Variants in FAM167A observed in about 807,000 individuals in gnomAD.
FAM167A encodes family with sequence similarity 167 member A.
Under a neutral mutation model 14.9 loss-of-function variants are expected in FAM167A, and 23 were observed. The observed-to-expected ratio is 1.55, with a 90% CI of 1.11 to 2.19. The LOEUF (loss-of-function observed/expected upper bound fraction) is 2.19. Among genes scored for constraint, FAM167A ranks in the 30% most tolerant of loss-of-function variants. FAM167A has a pLI of 0.00. For missense variants in FAM167A, 401 were observed against 281.5 expected (o/e 1.42, Z -3.04); for synonymous variants, 174 against 117.7 (o/e 1.48, Z -3.10).
At position 11,444,784 on chromosome 8, in the gene FAM167A, C is replaced by T. The variant is rs966729455; in HGVS notation, c.-373G>A. 4.9e-6 allele frequency: 5 copies of T among 1,010,216 alleles called. No individual in the cohort carries two copies. The South Asian group carries it at 1.8e-4, about 37-fold the overall frequency. 62.6% of individuals were successfully genotyped at this position (1,010,216 alleles called of 1,614,324 possible). On this transcript the variant is annotated 5_prime_UTR_variant, in exon 2 of 3. Transcript: ENST00000284486. ...AAGAAGGCCCAGAGCTCTCTCTTCT[C>T]GGGAAGGGCAGGTGGCTGGAGACCC...
intron 1 of FAM167A, among the ~76,000 whole-genome samples, chr8:11,450,547 T>A (rs1305699658): frequency 6.6e-6 from 1 of 152,106 alleles, no homozygotes. Flanking sequence ...CCACTGGGCT[T>A]ACTGCCCCTC....
In FAM167A at chr8:11,432,823, T is replaced by A. The variant is rs537758016; in HGVS notation, c.382-8187A>T. On this transcript the variant is annotated intron_variant, in intron 2 of 2. Coordinates refer to ENST00000284486, the MANE Select transcript of FAM167A (RefSeq NM_053279.3). ...GACTTAGAACCAACCCAAATGTCAA[T>A]CAATGATAGACTGGATTAAGAAAAT... Among the ~76,000 whole-genome samples, 8 of 152,242 alleles carry A rather than the reference T, an allele frequency of 5.3e-5. No homozygotes were observed. In the South Asian group the frequency reaches 1.0e-3, roughly 20 times the overall value.
At chr8:11,461,933 C>A (rs1807555682) in intron 1 of FAM167A, among the ~76,000 whole-genome samples, 1 of 152,210 alleles carries the variant, frequency 6.6e-6, no homozygotes, top group African/African-American at 2.4e-5. Context: ...CTCTCAGGGG[C>A]TAGAAGGGTC....
At chr8:11,437,787 T>C (rs896512275) in intron 2 of FAM167A, among the ~76,000 whole-genome samples, 1 of 152,154 alleles carries the variant, frequency 6.6e-6, no homozygotes, top group South Asian at 2.1e-4. Context: ...GGAATTGAGT[T>C]TATTATTATA....
chr8:11,426,922 C>CT (rs919496481), intron 2 of FAM167A, among the ~76,000 whole-genome samples: 2 of 152,156 alleles, frequency 1.3e-5, no homozygotes, highest in Non-Finnish European at 2.9e-5. Context: ...AGAGGGATGA[C>CT]TTTGAGTTTT....
At chr8:11,445,200 G>A (rs73546312) in intron 1 of FAM167A, 196,060 of 984,602 alleles carry the variant, frequency 0.2, 20,509 homozygotes, top group Non-Finnish European at 0.21. Context: ...CTGAATCTGA[G>A]GCCACAGGTC....
chr8:11,472,396 A>G (rs1015246570), upstream of FAM167A, among the ~76,000 whole-genome samples: 28 of 151,046 alleles, frequency 1.9e-4, no homozygotes, highest in Non-Finnish European at 2.8e-4. Flanking sequence ...CTGAACATGC[A>G]CAGCATTTGT....
Position 11,438,210 on chromosome 8 carries a change from G to A in FAM167A, c.381+5821C>T, listed in dbSNP as rs759305119. 13 of 446,016 alleles carry A rather than the reference G, an allele frequency of 2.9e-5. No individual in the cohort carries two copies. The highest frequency in any genetic ancestry group is 9.7e-5 in the South Asian group (6 of 62,142). The allele number at this position is 446,016 out of a possible 1,614,324, so 27.6% of individuals were successfully genotyped here. Reference sequence around the variant, plus strand: ...CGGAATCGCCATGAGCTGCTATTCCGGTGAGGTGCTGCTGTGGGGATCCTC... The same window carrying A: ...CGGAATCGCCATGAGCTGCTATTCCAGTGAGGTGCTGCTGTGGGGATCCTC... On this transcript the variant is annotated intron_variant, in intron 2 of 2. Coordinates refer to ENST00000284486, the MANE Select transcript of FAM167A (RefSeq NM_053279.3).
chr8:11,456,398 A>AGTGTGGGGG (rs1807307163), intron 1 of FAM167A, among the ~76,000 whole-genome samples: 1 of 25,230 alleles, frequency 4.0e-5, no homozygotes, highest in Non-Finnish European at 7.8e-5. Context: ...TGTGTGTGTG[A>AGTGTGGGGG]GTGTGGGGGG....
chr8:11,445,709 C>G, intron 1 of FAM167A: 1 of 759,424 alleles, frequency 1.3e-6, no homozygotes, highest in Non-Finnish European at 1.6e-6. Flanking sequence ...ACCGCAGCCT[C>G]CAGACTCTGT....
At chr8:11,455,142 G>GT (rs954461344) in intron 1 of FAM167A, among the ~76,000 whole-genome samples, 7 of 147,304 alleles carry the variant, frequency 4.8e-5, no homozygotes, top group Admixed American at 6.7e-5. Flanking sequence ...GTGTGTGCGT[G>GT]TGTGTGTGTG....
chr8:11,444,253 C>G lies in FAM167A; in HGVS notation c.159G>C (p.Leu53=), dbSNP rs1806640697. Reference sequence around the variant, plus strand: ...TCGGGAAGGGCCAGGTATGCTCCTCCAGCCTGGCCTGCCATTCCAGGTAGG... The same window carrying G: ...TCGGGAAGGGCCAGGTATGCTCCTCGAGCCTGGCCTGCCATTCCAGGTAGG... ...RPSYLEWQAR[L]EEHTWPFPRP... The change falls in exon 2 of 3, where the codon CTG becomes CTC. Residue 53 remains leucine, a synonymous_variant. Coordinates refer to ENST00000284486, the MANE Select transcript of FAM167A (RefSeq NM_053279.3). 3 of 1,611,112 alleles carry G rather than the reference C, an allele frequency of 1.9e-6. No individual in the cohort carries two copies. The highest frequency in any genetic ancestry group is 1.7e-6 in the Non-Finnish European group (2 of 1,179,452).
chr8:11,422,395 T>G lies in FAM167A; in HGVS notation c.*1978A>C, dbSNP rs1414926263. 6.6e-6 allele frequency: 1 copy of G among 151,436 alleles called. No homozygotes were observed. Among genetic ancestry groups the G allele is most frequent in the Non-Finnish European group, 1.5e-5 (1 of 68,262 alleles). The allele number at this position is 151,436 out of a possible 1,614,324, so 9.4% of individuals were successfully genotyped here. Reference sequence around the variant, plus strand: ...GGGGGTGTGTGTGTGTGTGTGTGTGTGTGTGTGTGTAGGTCAGCCCGAGAC... The same window carrying G: ...GGGGGTGTGTGTGTGTGTGTGTGTGGGTGTGTGTGTAGGTCAGCCCGAGAC... On this transcript the variant is annotated 3_prime_UTR_variant, in exon 3 of 3. Coordinates refer to ENST00000284486, the MANE Select transcript of FAM167A (RefSeq NM_053279.3).
chr8:11,452,376 C>A (rs563566237), intron 1 of FAM167A, among the ~76,000 whole-genome samples: 1 of 152,350 alleles, frequency 6.6e-6, no homozygotes, highest in East Asian at 1.9e-4. Context: ...GGGCTACAGC[C>A]GGACATCAGG....
At chr8:11,452,796 G>A (rs979299092) in intron 1 of FAM167A, among the ~76,000 whole-genome samples, 3 of 152,192 alleles carry the variant, frequency 2.0e-5, no homozygotes, top group Non-Finnish European at 4.4e-5. Context: ...GAATGCTGGG[G>A]GAATGTGCAG....
chr8:11,462,578 G>GCACAAGCTGCCTTTATT (rs146137593), intron 1 of FAM167A, among the ~76,000 whole-genome samples: 5,426 of 152,252 alleles, frequency 0.036, 308 homozygotes, highest in African/African-American at 0.12. Flanking sequence ...GGACTCTACT[G>GCACAAGCTGCCTTTATT]CATCAGCAAC....
intron 2 of FAM167A, among the ~76,000 whole-genome samples, chr8:11,430,427 T>C (rs1287052272): frequency 1.3e-5 from 2 of 152,184 alleles, no homozygotes; most frequent in African/African-American, 2.4e-5. Context: ...CTCGTTAAGA[T>C]GTGAGCCACT....
intron 1 of FAM167A, among the ~76,000 whole-genome samples, chr8:11,454,837 C>A (rs553962339): frequency 1.3e-5 from 2 of 152,170 alleles, no homozygotes; most frequent in African/African-American, 4.8e-5. Flanking sequence ...CTGGGCTCAG[C>A]ACTGACCAGG....
chr8:11,448,774 A>T lies in FAM167A; in HGVS notation c.-397-3966T>A, dbSNP rs1585265315. On this transcript the variant is annotated intron_variant, in intron 1 of 2. Transcript: ENST00000284486. ...CGGCTCGGGGTGTTGGAGAGACTCC[A>T]CCCTGTGCTCTCTGCATGGCAGACC... 2.0e-5 allele frequency among the ~76,000 whole-genome samples: 3 copies of T among 152,080 alleles called. 1 individual carries two copies. The South Asian group carries it at 6.2e-4, about 32-fold the overall frequency.
Sources: allele counts gnomAD v4.1 joint callset (sites outside exome capture counted in the v4.1 genomes callset), GRCh38; gene constraint gnomAD v4.1.1; transcripts MANE v1.5; gene names NCBI Gene and HGNC (gene_info 2026-07-23, HGNC 2026-07-21).